ATP11A: variants seen among roughly 807,000 people sequenced by gnomAD.
ATP11A encodes the protein phospholipid-transporting ATPase IH.
A neutral mutation model predicts 154.4 loss-of-function variants in ATP11A; 81 were observed. The ratio of observed to expected loss-of-function variants is 0.52; its 90% CI spans 0.44 to 0.63. The LOEUF is 0.63. Ranked by LOEUF, ATP11A falls within the 30% of genes least tolerant of loss-of-function variation. ATP11A has a pLI of 0.00. For synonymous variants in ATP11A, 623 were observed against 585.9 expected (o/e 1.06, Z -0.91); for missense variants, 1,316 against 1,474.3 (o/e 0.89, Z 1.76).
chr13:112,719,639 G>A (rs282564), intron 1 of ATP11A, among the ~76,000 whole-genome samples: 1 of 151,526 alleles, frequency 6.6e-6, no homozygotes, highest in East Asian at 1.9e-4. Context: ...AGAAGCTGAT[G>A]GTGAACTTCA....
chr13:112,723,432 T>C (rs1484678550), intron 1 of ATP11A, among the ~76,000 whole-genome samples: 1 of 146,736 alleles, frequency 6.8e-6, no homozygotes, highest in East Asian at 2.1e-4. Flanking sequence ...CCACCACACC[T>C]GACTAACTTT....
intron 1 of ATP11A, among the ~76,000 whole-genome samples, chr13:112,726,405 T>C (rs1370282541): frequency 1.4e-5 from 2 of 147,210 alleles, no homozygotes; most frequent in African/African-American, 5.1e-5. Flanking sequence ...AGAGGGGCCA[T>C]GGGGCACCAT....
chr13:112,752,235 G>A (rs528458779), intron 1 of ATP11A, among the ~76,000 whole-genome samples: 1 of 152,368 alleles, frequency 6.6e-6, no homozygotes, highest in East Asian at 1.9e-4. Context: ...GACGGCGGCT[G>A]TGTCAGGTGG....
intron 1 of ATP11A, among the ~76,000 whole-genome samples, chr13:112,760,975 G>C (rs1227198155): frequency 1.3e-5 from 2 of 152,192 alleles, no homozygotes; most frequent in East Asian, 3.8e-4. Context: ...ATATTAACAG[G>C]AAAATTCCAG....
chr13:112,770,183 T>G (rs553721789), intron 1 of ATP11A, among the ~76,000 whole-genome samples: 1 of 152,172 alleles, frequency 6.6e-6, no homozygotes, highest in African/African-American at 2.4e-5. Flanking sequence ...AAGAATGATT[T>G]GGGGTGAGAA....
chr13:112,802,209 G>A (rs1413456969), intron 2 of ATP11A, among the ~76,000 whole-genome samples: 2 of 152,156 alleles, frequency 1.3e-5, no homozygotes, highest in African/African-American at 2.4e-5. Context: ...AGCCGGGCGT[G>A]GTGGTGGGCG....
At chr13:112,710,846 G>A (rs1184952220) in intron 1 of ATP11A, among the ~76,000 whole-genome samples, 2 of 152,252 alleles carry the variant, frequency 1.3e-5, no homozygotes, top group African/African-American at 4.8e-5. Flanking sequence ...TATCATCCCT[G>A]CAGGGAGAGA....
At chr13:112,803,501 G>T (rs2140126194) in intron 2 of ATP11A, among the ~76,000 whole-genome samples, 1 of 152,340 alleles carries the variant, frequency 6.6e-6, no homozygotes, top group East Asian at 1.9e-4. Flanking sequence ...GGTTTCGGTA[G>T]ACTGTCTTCA....
At chr13:112,772,256 CGAAAATT>C (rs2077243661) in intron 1 of ATP11A, among the ~76,000 whole-genome samples, 1 of 152,050 alleles carries the variant, frequency 6.6e-6, no homozygotes, top group African/African-American at 2.4e-5. Context: ...GTTGCTGACA[CGAAAATT>C]GAGAGAAGCC....
At chr13:112,743,613 T>C (rs1394308409) in intron 1 of ATP11A, among the ~76,000 whole-genome samples, 1 of 151,424 alleles carries the variant, frequency 6.6e-6, no homozygotes, top group Non-Finnish European at 1.5e-5. Context: ...AGGTTCCTGC[T>C]AGAGTGTGAT....
At chr13:112,729,483 G>A (rs1326945086) in intron 1 of ATP11A, among the ~76,000 whole-genome samples, 1 of 151,824 alleles carries the variant, frequency 6.6e-6, no homozygotes, top group Non-Finnish European at 1.5e-5. Context: ...TATCTAACGC[G>A]TCTGCGTGTG....
Position 112,883,196 on chromosome 13 carries a change from TC to T in ATP11A, c.*1332del, listed in dbSNP as rs1012261539. 1.3e-5 allele frequency: 5 copies of T among 398,714 alleles called. No homozygotes were observed. Among genetic ancestry groups the T allele is most frequent in the Non-Finnish European group, 2.2e-5 (5 of 226,242 alleles). 24.7% of individuals were successfully genotyped at this position (398,714 alleles called of 1,614,324 possible). On this transcript the variant is annotated 3_prime_UTR_variant, in exon 30 of 30. Transcript: ENST00000375645. ...GTCCCCATGTCCCCACGCAGGGCTC[TC>T]CTTCGTCTTAGGATCTGTCCAGCGC... is the stretch of plus-strand genomic sequence containing the variant.
chr13:112,789,641 T>C (rs554491429), intron 2 of ATP11A, among the ~76,000 whole-genome samples: 8 of 149,392 alleles, frequency 5.4e-5, no homozygotes, highest in Non-Finnish European at 8.9e-5. Context: ...TATTCTGACA[T>C]GTAGACCCCT....
Position 112,825,421 on chromosome 13 carries a change from T to A in ATP11A, c.873-9T>A. On this transcript the variant is annotated splice_polypyrimidine_tract_variant and intron_variant, in intron 10 of 29. Coordinates refer to ENST00000375645, the MANE Select transcript of ATP11A (RefSeq NM_015205.3). ...GGGACCAGTGATCACCTCTGTCCTT[T>A]TGTTTTAGATCGATGAATGCGTTCC... 6.2e-7 allele frequency: 1 copy of A among 1,604,636 alleles called. No homozygotes were observed. The highest frequency in any genetic ancestry group is 8.5e-7 in the Non-Finnish European group (1 of 1,174,996).
intron 3 of ATP11A, 65 bp from the exon 4 acceptor site, chr13:112,806,148 C>G (rs2078316857): frequency 7.5e-7 from 1 of 1,326,404 alleles, no homozygotes; most frequent in Non-Finnish European, 1.1e-6. Context: ...TCAGGGCAAA[C>G]TAACCTGCCT....
At chr13:112,715,018 C>T (rs1888263392) in intron 1 of ATP11A, among the ~76,000 whole-genome samples, 1 of 152,192 alleles carries the variant, frequency 6.6e-6, no homozygotes, top group South Asian at 2.1e-4. Context: ...GAGTGACTCA[C>T]ACAGGATTTG....
chr13:112,821,547 G>C (rs1275065143), intron 8 of ATP11A, among the ~76,000 whole-genome samples: 2 of 152,182 alleles, frequency 1.3e-5, no homozygotes, highest in Non-Finnish European at 2.9e-5. Context: ...ACGCCCTCAG[G>C]TGATTCACCC....
At position 112,697,172 on chromosome 13, in the gene ATP11A, G is replaced by A. The variant is rs1461760465; in HGVS notation, c.39+6717G>A. On this transcript the variant is annotated intron_variant, in intron 1 of 29. Coordinates refer to ENST00000375645, the MANE Select transcript of ATP11A (RefSeq NM_015205.3). This position sits in a 1 kb window ranked among gnomAD's most constrained non-coding sequence, Gnocchi z 4.0. ...GGGCTGCTTCCTGTGGCGTCCTGCG[G>A]GCTGGCCGCCCCTCGGTGGGCTCCG... 1.3e-5 allele frequency among the ~76,000 whole-genome samples: 2 copies of A among 152,188 alleles called. No individual in the cohort carries two copies. The highest frequency in any genetic ancestry group is 2.4e-5 in the African/African-American group (1 of 41,448).
At chr13:112,692,686 C>G (rs1389497623) in intron 1 of ATP11A, among the ~76,000 whole-genome samples, 2 of 152,060 alleles carry the variant, frequency 1.3e-5, no homozygotes, top group Non-Finnish European at 2.9e-5. Flanking sequence ...CTCATTCCAC[C>G]TGTGTTTTTT....
Sources: allele counts gnomAD v4.1 joint callset (sites outside exome capture counted in the v4.1 genomes callset), GRCh38; gene constraint gnomAD v4.1.1; non-coding constraint Gnocchi (gnomAD v3.1); transcripts MANE v1.5; gene names NCBI Gene and HGNC (gene_info 2026-07-23, HGNC 2026-07-21).